Variants in CARMIL3 observed in about 807,000 individuals in gnomAD.
The protein encoded by CARMIL3 is capping protein, Arp2/3 and myosin-I linker protein 3.
CARMIL3 carries 88 observed loss-of-function variants against 180.8 expected under a neutral mutation model. The ratio of observed to expected loss-of-function variants is 0.49; its 90% CI spans 0.41 to 0.58. CARMIL3 has a LOEUF of 0.58. Ranked by LOEUF, CARMIL3 falls within the 20% of genes least tolerant of loss-of-function variation. The probability of loss-of-function intolerance (pLI) is 0.00; values close to 1 mark genes in which losing one functional copy is unlikely to be tolerated. For synonymous variants in CARMIL3, 696 were observed against 714.5 expected, an observed-to-expected ratio of 0.97 and a Z score of 0.41; for missense variants, 1,548 against 1,787.0, an observed-to-expected ratio of 0.87 and a Z score of 2.41.
chr14:24,062,800 A>T lies in CARMIL3; in HGVS notation c.2660A>T (p.Asn887Ile). Residue 887 changes from asparagine to isoleucine, a missense_variant, in exon 29 of 40, where the codon AAC (asparagine) becomes ATC (isoleucine). Around this residue, in one of 4 missense-constraint regions of CARMIL3, gnomAD observed 668 missense variants for 687.8 expected, o/e 0.97. Coordinates refer to ENST00000342740, the MANE Select transcript of CARMIL3 (RefSeq NM_138360.4). ...QDLSSRGRGR[N>I]HDHEETTDDE... ...CTGTCCTCCCGGGGCCGAGGCCGGAACCATGACCATGAGGAGACCACAGAT... is the reference window on the plus strand; with the variant it reads ...CTGTCCTCCCGGGGCCGAGGCCGGATCCATGACCATGAGGAGACCACAGAT... 3.1e-6 allele frequency: 5 copies of T among 1,613,726 alleles called. No homozygotes were observed. The highest frequency in any genetic ancestry group is 4.2e-6 in the Non-Finnish European group (5 of 1,179,818).
At position 24,057,457 on chromosome 14, in the gene CARMIL3, C is replaced by T. The variant is rs1338445874; in HGVS notation, c.1140+213C>T. Among the ~76,000 whole-genome samples, 9 of 152,118 alleles carry T rather than the reference C, an allele frequency of 5.9e-5. No homozygotes were observed. The South Asian group carries it at 1.7e-3, about 28-fold the overall frequency. The stretch of plus-strand genomic sequence containing the variant: ...GTGCTTGCTGTGCTTAAAAGCCAGC[C>T]CTTGCTCCCTTCCCCAGCTGTGCAC... On this transcript the variant is annotated intron_variant, in intron 14 of 39. Coordinates refer to ENST00000342740, the MANE Select transcript of CARMIL3 (RefSeq NM_138360.4).
At chr14:24,066,915 C>T (rs2035792884) in intron 36 of CARMIL3, among the ~76,000 whole-genome samples, 1 of 152,242 alleles carries the variant, frequency 6.6e-6, no homozygotes, top group South Asian at 2.1e-4. Context: ...ATGGCTCTGG[C>T]GAATTCTCCA....
At chr14:24,052,392 CGGG>C (rs1412698520) in intron 1 of CARMIL3, among the ~76,000 whole-genome samples, 199 bp downstream of exon 1, 1 of 152,226 alleles carries the variant, frequency 6.6e-6, no homozygotes, top group Non-Finnish European at 1.5e-5. Context: ...CTCACCCGGT[CGGG>C]ACCTTCCTGT....
At chr14:24,056,886 C>A in intron 12 of CARMIL3, 29 bp from the exon 13 acceptor site, 1 of 1,605,464 alleles carries the variant, frequency 6.2e-7, no homozygotes. Flanking sequence ...GGCTAGGGGC[C>A]AACCCAGCCC....
chr14:24,056,542 C>T (rs556440914), intron 11 of CARMIL3, 80 bp from the exon 12 acceptor site: 8 of 1,514,212 alleles, frequency 5.3e-6, no homozygotes, highest in African/African-American at 2.7e-5. Context: ...GTACCCTACT[C>T]GAGCCCCCAA....
rs1333737582 is a variant in CARMIL3, at chr14:24,066,587, C to T, written c.3613C>T (p.Pro1205Ser). Residue 1205 changes from proline to serine, a missense_variant, in exon 36 of 40, where the codon CCA becomes TCA. Physicochemically the swap from Pro to Ser is moderately conservative, Grantham distance 74. Transcript: ENST00000342740. ...DDAGPGSWKP[P>S]PPPQSTKPSF... ...TCCAGGGCCTGGATCCTGGAAGCCC[C>T]CACCACCGCCCCAAAGCACCAAACC... 1.2e-6 allele frequency: 2 copies of T among 1,614,114 alleles called. No individual in the cohort carries two copies. Among genetic ancestry groups the T allele is most frequent in the East Asian group, 4.5e-5 (2 of 44,902 alleles).
At chr14:24,063,059 A>G (rs2035748113) in intron 29 of CARMIL3, 61 bp from the exon 30 acceptor site, 1 of 1,591,402 alleles carries the variant, frequency 6.3e-7, no homozygotes, top group Non-Finnish European at 8.6e-7. Flanking sequence ...ATAAGGTTTC[A>G]TGAGGAATGG....
chr14:24,060,565 G>C (rs1419544572), intron 24 of CARMIL3, 63 bp from the exon 25 acceptor site: 1 of 1,591,978 alleles, frequency 6.3e-7, no homozygotes, highest in Non-Finnish European at 8.6e-7. Context: ...ACTGTCTAAG[G>C]GGTCCTACCT....
rs750312623 is a variant in CARMIL3 at position 24,056,925 on chromosome 14, A to T, written c.963A>T (p.Ala321=). 6.2e-7 allele frequency: 1 copy of T among 1,613,910 alleles called. No individual in the cohort carries two copies. Among genetic ancestry groups the T allele is most frequent in the Non-Finnish European group, 8.5e-7 (1 of 1,179,962 alleles). The change falls in exon 13 of 40, where the codon GCA becomes GCT. Residue 321 remains alanine (A), a synonymous_variant. Coordinates refer to ENST00000342740, the MANE Select transcript of CARMIL3 (RefSeq NM_138360.4). ...KTAISPRGLQ[A]LGQTFGANPA... is the part of the protein sequence containing the mutation. ...GCCCGCTGTGCTCAGGGCTCCAGGC[A>T]CTCGGCCAGACCTTCGGGGCAAACC... is the stretch of plus-strand genomic sequence containing the variant.
At chr14:24,066,259 A>G (rs566935796) in intron 34 of CARMIL3, 139 bp from the exon 35 acceptor site, 13 of 991,574 alleles carry the variant, frequency 1.3e-5, no homozygotes, top group Non-Finnish European at 2.0e-5. Flanking sequence ...TATGGGTGCC[A>G]CTCTTTGGGA....
In CARMIL3 at chr14:24,054,741, C is replaced by T. The variant is rs140730602; in HGVS notation, c.393C>T (p.Thr131=). 1,778 of 1,614,078 alleles carry T rather than the reference C, an allele frequency of 1.1e-3. 16 individuals are homozygous for T. In the African/African-American group the frequency reaches 0.021, roughly 19 times the overall value. The change falls in exon 6 of 40, where the codon ACC becomes ACT. Residue 131 remains threonine (T), a synonymous_variant. Coordinates refer to ENST00000342740, the MANE Select transcript of CARMIL3 (RefSeq NM_138360.4). The surrounding 1 kb of genome is among the most constrained non-coding windows in gnomAD (Gnocchi z 5.1). Reference sequence around the variant, plus strand: ...TGATCCGGCGTGGAAACGCAGACACCCCAGAGGGGCCCCGAGATACATCCC... The same window carrying T: ...TGATCCGGCGTGGAAACGCAGACACTCCAGAGGGGCCCCGAGATACATCCC... The part of the protein sequence containing the change: ...GCLIRRGNAD[T]PEGPRDTSPN...
chr14:24,057,930 C>T, intron 15 of CARMIL3, 30 bp from the exon 16 acceptor site: 2 of 1,613,148 alleles, frequency 1.2e-6, no homozygotes, highest in Non-Finnish European at 1.7e-6. Context: ...CCAACCCCCT[C>T]CCTCGCTGAC....
At chr14:24,060,331 G>A (rs890685064) in intron 24 of CARMIL3, 76 bp downstream of exon 24, 15 of 1,515,962 alleles carry the variant, frequency 9.9e-6, no homozygotes, top group Middle Eastern at 1.7e-4. Flanking sequence ...AAAATTGAGT[G>A]GGGGAGCATG....
chr14:24,057,071 G>C, intron 13 of CARMIL3, 47 bp downstream of exon 13: 1 of 1,600,800 alleles, frequency 6.2e-7, no homozygotes, highest in East Asian at 2.3e-5. Context: ...GCATGCTTAA[G>C]CTTCAGGAGC....
At position 24,054,754 on chromosome 14, in the gene CARMIL3, C is replaced by T. The variant is rs750925479; in HGVS notation, c.406C>T (p.Arg136Ter). ...RGNADTPEGP[R>*]DTSPNSETST... Reference sequence around the variant, plus strand: ...AAACGCAGACACCCCAGAGGGGCCCCGAGATACATCCCCCAACTCTGAGAC... The same window carrying T: ...AAACGCAGACACCCCAGAGGGGCCCTGAGATACATCCCCCAACTCTGAGAC... The change falls in exon 6 of 40, where the codon CGA becomes TGA. Residue 136 changes from arginine (R) to a stop codon, truncating the protein, a stop_gained. Coordinates refer to ENST00000342740, the MANE Select transcript of CARMIL3 (RefSeq NM_138360.4). LOFTEE classifies it high-confidence loss of function. The surrounding 1 kb of genome is among the most constrained non-coding windows in gnomAD (Gnocchi z 5.1). The T allele has an allele frequency of 1.2e-6, 2 of 1,614,128 alleles. No homozygotes were observed. The highest frequency in any genetic ancestry group is 1.1e-5 in the South Asian group (1 of 91,076).
At chr14:24,063,290 C>T (rs371667759) in intron 30 of CARMIL3, 35 bp from the exon 31 acceptor site, 2 of 1,590,308 alleles carry the variant, frequency 1.3e-6, no homozygotes, top group Non-Finnish European at 1.7e-6. Context: ...CTCCCCATTC[C>T]TCTGCTAGTC....
intron 39 of CARMIL3, 44 bp from the exon 40 acceptor site, chr14:24,069,335 G>C: frequency 6.2e-7 from 1 of 1,614,122 alleles, no homozygotes; most frequent in African/African-American, 1.3e-5. Flanking sequence ...GTGGCTGGCT[G>C]TCCCTGCCCA....
At chr14:24,065,338 C>T (rs2035775992) in intron 33 of CARMIL3, 65 bp downstream of exon 33, 6 of 1,376,612 alleles carry the variant, frequency 4.4e-6, no homozygotes, top group Non-Finnish European at 5.8e-6. Context: ...CAGTCTCCTA[C>T]CCCACCCCAA....
intron 10 of CARMIL3, among the ~76,000 whole-genome samples, chr14:24,056,013 C>T (rs1297895709): frequency 1.3e-5 from 2 of 152,190 alleles, no homozygotes; most frequent in African/African-American, 4.8e-5. Flanking sequence ...CCAGGATGTT[C>T]CATGCCCCGT....
Sources: gnomAD v4.1 joint callset for allele counts (sites outside exome capture counted in the v4.1 genomes callset) on GRCh38, gnomAD v4.1.1 for gene constraint, gnomAD v4.1.1 regional missense constraint, Gnocchi (gnomAD v3.1) non-coding constraint, MANE v1.5 for transcripts, NCBI Gene and HGNC (gene_info 2026-07-23, HGNC 2026-07-21) for gene names.